Variants in NOTCH2NLC observed in about 807,000 individuals in gnomAD.
NOTCH2NLC encodes notch homolog 2 N-terminal-like protein C.
A neutral mutation model predicts 17.7 loss-of-function variants in NOTCH2NLC; 4 were observed. The ratio of observed to expected loss-of-function variants is 0.23; its 90% CI spans 0.11 to 0.52. The LOEUF is 0.52. Among genes scored for constraint, NOTCH2NLC ranks in the 20% least tolerant of loss-of-function variants. The probability of loss-of-function intolerance (pLI) is 0.96; values close to 1 mark genes in which losing one functional copy is unlikely to be tolerated. For synonymous variants in NOTCH2NLC, 18 were observed against 86.0 expected, an observed-to-expected ratio of 0.21 and a Z score of 4.38; for missense variants, 57 against 207.2, an observed-to-expected ratio of 0.28 and a Z score of 4.45.
At chr1:149,433,466 C>T (rs2084464875) in intron 2 of NOTCH2NLC, among the ~76,000 whole-genome samples, 1 of 150,818 alleles carries the variant, frequency 6.6e-6, no homozygotes, top group African/African-American at 2.4e-5. Flanking sequence ...AGTTTATTTA[C>T]TTCACATAGC....
At chr1:149,418,211 CA>C (rs2084355880) in intron 1 of NOTCH2NLC, among the ~76,000 whole-genome samples, 1 of 131,954 alleles carries the variant, frequency 7.6e-6, no homozygotes, top group African/African-American at 2.8e-5. Flanking sequence ...TATTTAGGCT[CA>C]TAGCCAAAGT....
intron 1 of NOTCH2NLC, among the ~76,000 whole-genome samples, chr1:149,423,758 G>A (rs1386774074): frequency 8.1e-5 from 12 of 147,948 alleles, no homozygotes; most frequent in African/African-American, 2.8e-4. Flanking sequence ...AATACCTTCC[G>A]ATTGAGCAGT....
intron 1 of NOTCH2NLC, among the ~76,000 whole-genome samples, chr1:149,421,354 C>T (rs1174520969): frequency 1.3e-5 from 2 of 149,618 alleles, no homozygotes; most frequent in Admixed American, 1.3e-4. Context: ...AAAAAATTAG[C>T]CGGATATGGT....
rs2084161145 is a variant in NOTCH2NLC at position 149,390,840 on chromosome 1, G to GCGGCGGCGGCGGCGGCGGCGA, written c.55_56insGCGGCGGCGGCGGCGGCGACG (p.Gly18_Asp19insGlyGlyGlyGlyGlyGlyAsp). On this transcript the variant is annotated inframe_insertion, in exon 1 of 5. Coordinates refer to ENST00000650865, the MANE Select transcript of NOTCH2NLC (RefSeq NM_001364013.2). Reference sequence around the variant, plus strand: ...GGCGGCGGCGGCGGCGGAGGAGGCGGCGACCGAGAAGATGCCCGCCCTGCG... The same window carrying GCGGCGGCGGCGGCGGCGGCGA: ...GGCGGCGGCGGCGGCGGAGGAGGCGGCGGCGGCGGCGGCGGCGGCGACGACCGAGAAGATGCCCGCCCTGCG... 1.5e-6 allele frequency: 2 copies of GCGGCGGCGGCGGCGGCGGCGA among 1,363,614 alleles called. No individual in the cohort carries two copies. The highest frequency in any genetic ancestry group is 3.1e-5 in the African/African-American group (2 of 64,396). 84.5% of individuals were successfully genotyped at this position (1,363,614 alleles called of 1,614,324 possible). A position where few individuals can be genotyped will look rare whatever the true frequency, so the allele number is the denominator to read the frequency against.
intron 3 of NOTCH2NLC, among the ~76,000 whole-genome samples, chr1:149,460,496 G>A (rs2084637184): frequency 6.7e-6 from 1 of 148,496 alleles, no homozygotes; most frequent in Admixed American, 6.7e-5. Flanking sequence ...CTACCGCCAT[G>A]CCCGGCTAAT....
intron 3 of NOTCH2NLC, among the ~76,000 whole-genome samples, chr1:149,462,885 G>C (rs2084658064): frequency 7.0e-6 from 1 of 141,882 alleles, no homozygotes; most frequent in Admixed American, 7.3e-5. Context: ...GCCCAGGCTG[G>C]AGTGCAGTGG....
At chr1:149,409,263 T>G (rs2084285251) in intron 1 of NOTCH2NLC, 1 of 153,482 alleles carries the variant, frequency 6.5e-6, no homozygotes, top group Non-Finnish European at 1.4e-5. Flanking sequence ...TATTTTAAAT[T>G]TCAAATTAAA....
Position 149,398,047 on chromosome 1 carries a change from T to G in NOTCH2NLC, c.135+7125T>G, listed in dbSNP as rs1471170598. Among the ~76,000 whole-genome samples, 14 of 149,750 alleles carry G rather than the reference T, an allele frequency of 9.3e-5. 1 individual carries two copies. The highest frequency in any genetic ancestry group is 3.5e-4 in the African/African-American group (14 of 40,566). ...ATATGAAATACAGTTATTTTATCAT[T>G]TATCTATGCTCTCTGAAAGCAGTTT... is the stretch of plus-strand genomic sequence containing the variant. On this transcript the variant is annotated intron_variant, in intron 1 of 4. Coordinates refer to ENST00000650865, the MANE Select transcript of NOTCH2NLC (RefSeq NM_001364013.2).
At position 149,441,103 on chromosome 1, in the gene NOTCH2NLC, G is replaced by A. The variant is rs1285755167; in HGVS notation, c.209+10088G>A. On this transcript the variant is annotated intron_variant, in intron 2 of 4. Transcript: ENST00000650865. ...AAATCAGAATCTAAGAATCTCTAAG[G>A]CAAGAGCAAGAATGGATTGGGATAG... Among the ~76,000 whole-genome samples the A allele has an allele frequency of 1.4e-5, 2 of 146,412 alleles. 1 individual carries two copies. Among genetic ancestry groups the A allele is most frequent in the Non-Finnish European group, 3.0e-5 (2 of 65,622 alleles).
At chr1:149,413,798 T>C (rs1243854305) in intron 1 of NOTCH2NLC, among the ~76,000 whole-genome samples, 1 of 151,072 alleles carries the variant, frequency 6.6e-6, no homozygotes, top group South Asian at 2.1e-4. Context: ...TTAATATTAG[T>C]ATATTGCTGA....
In NOTCH2NLC at chr1:149,429,824, T is replaced by C. The variant is rs1246218307; in HGVS notation, c.136-1118T>C. On this transcript the variant is annotated intron_variant, in intron 1 of 4. Coordinates refer to ENST00000650865, the MANE Select transcript of NOTCH2NLC (RefSeq NM_001364013.2). The stretch of plus-strand genomic sequence containing the variant: ...ATAGAGTGGTGTGGGTAGAGGAAAC[T>C]TGGAGGGGGGAACTTCTCAGTTTTG... Among the ~76,000 whole-genome samples, 9 of 150,096 alleles carry C rather than the reference T, an allele frequency of 6.0e-5. 1 individual carries two copies. Among genetic ancestry groups the C allele is most frequent in the Admixed American group, 6.0e-4 (9 of 15,082 alleles).
chr1:149,433,487 G>A (rs1388299630), intron 2 of NOTCH2NLC, among the ~76,000 whole-genome samples: 2 of 150,350 alleles, frequency 1.3e-5, no homozygotes, highest in Non-Finnish European at 3.0e-5. Context: ...ATTCAGGGTG[G>A]TAATACCATA....
chr1:149,409,000 A>C, intron 1 of NOTCH2NLC: 1 of 981,676 alleles, frequency 1.0e-6, no homozygotes, highest in Non-Finnish European at 1.2e-6. Context: ...TGTCTAGCAC[A>C]TCAAGGCTAT....
At chr1:149,445,751 T>C (rs1260760614) in intron 2 of NOTCH2NLC, among the ~76,000 whole-genome samples, 3 of 148,926 alleles carry the variant, frequency 2.0e-5, no homozygotes, top group African/African-American at 2.5e-5. Flanking sequence ...GACTTTTTTT[T>C]CCCCTTCGTT....
chr1:149,460,332 CCT>C, intron 3 of NOTCH2NLC, among the ~76,000 whole-genome samples: 2 of 141,336 alleles, frequency 1.4e-5, no homozygotes, highest in Non-Finnish European at 3.1e-5. Flanking sequence ...ATTCTGATCA[CCT>C]TTTTTTTTTT....
chr1:149,454,496 G>T (rs1309322427), intron 2 of NOTCH2NLC, among the ~76,000 whole-genome samples: 1 of 142,734 alleles, frequency 7.0e-6, no homozygotes, highest in Non-Finnish European at 1.5e-5. Context: ...CATGTAAAAA[G>T]GTTCCTCAGT....
At chr1:149,461,696 G>A (rs1200201270) in intron 3 of NOTCH2NLC, among the ~76,000 whole-genome samples, 3 of 151,202 alleles carry the variant, frequency 2.0e-5, no homozygotes, top group Non-Finnish European at 4.4e-5. Flanking sequence ...TGTTTCTTGC[G>A]GCACTATTCA....
At chr1:149,423,371 AT>A (rs1189980046) in intron 1 of NOTCH2NLC, among the ~76,000 whole-genome samples, 5 of 149,408 alleles carry the variant, frequency 3.3e-5, no homozygotes, top group African/African-American at 7.4e-5. Flanking sequence ...GTTTGTTTGG[AT>A]TTTTTTTTCA....
chr1:149,396,172 C>A (rs1201764348), intron 1 of NOTCH2NLC, among the ~76,000 whole-genome samples: 2 of 138,820 alleles, frequency 1.4e-5, no homozygotes, highest in Non-Finnish European at 3.1e-5. Context: ...GCTGACCCCA[C>A]CCACAGACTT....
Sources: gnomAD v4.1 joint callset for allele counts (sites outside exome capture counted in the v4.1 genomes callset) on GRCh38, gnomAD v4.1.1 for gene constraint, MANE v1.5 for transcripts, NCBI Gene and HGNC (gene_info 2026-07-23, HGNC 2026-07-21) for gene names.